ATP2B1: variants seen among roughly 807,000 people sequenced by gnomAD.
ATP2B1 encodes ATPase plasma membrane Ca2+ transporting 1.
Under a neutral mutation model 124.2 loss-of-function variants are expected in ATP2B1, and 14 were observed. That is an observed-to-expected ratio of 0.11 (90% CI 0.07 to 0.18). The LOEUF is 0.18. ATP2B1 is among the 10% of genes least tolerant of loss of function. The pLI, the probability that ATP2B1 is intolerant of heterozygous loss-of-function variation, is 1.00. For missense variants in ATP2B1, 763 were observed against 1,466.1 expected, an observed-to-expected ratio of 0.52 and a Z score of 7.83; for synonymous variants, 449 against 492.4, an observed-to-expected ratio of 0.91 and a Z score of 1.17.
At chr12:89,624,086 C>T in intron 9 of ATP2B1, 97 bp downstream of exon 9, 1 of 1,063,136 alleles carries the variant, frequency 9.4e-7, no homozygotes, top group Non-Finnish European at 1.4e-6. Flanking sequence ...TGAAAGTCCT[C>T]ACTTTCAGAA....
chr12:89,653,437 C>T (rs1265842551), intron 2 of ATP2B1, among the ~76,000 whole-genome samples: 1 of 151,426 alleles, frequency 6.6e-6, no homozygotes, highest in Non-Finnish European at 1.5e-5. Context: ...GCTGGGACTA[C>T]AGGCGCCCGC....
chr12:89,695,065 A>AAAAAAAG (rs1340330180), intron 1 of ATP2B1, among the ~76,000 whole-genome samples: 1 of 149,468 alleles, frequency 6.7e-6, no homozygotes, highest in Non-Finnish European at 1.5e-5. Flanking sequence ...TTTCAAAAAA[A>AAAAAAAG]AAAAAAGAAA....
At chr12:89,687,469 A>G (rs569586800) in intron 1 of ATP2B1, among the ~76,000 whole-genome samples, 1 of 152,196 alleles carries the variant, frequency 6.6e-6, no homozygotes, top group African/African-American at 2.4e-5. Context: ...TGTAGGTTAC[A>G]TGCAAACATA....
In ATP2B1 at chr12:89,632,245, T is replaced by C. The variant is rs144905746; in HGVS notation, c.788-1600A>G. Among the ~76,000 whole-genome samples the C allele has an allele frequency of 8.6e-4, 131 of 152,302 alleles. No individual in the cohort carries two copies. In the East Asian group the frequency reaches 0.022, roughly 26 times the overall value. On this transcript the variant is annotated intron_variant, in intron 5 of 20. Transcript: ENST00000428670. ...ATCTACCATAATCTTATGAACCAAG[T>C]TGATGCTCAAGGATTATTTGCTAAG...
chr12:89,676,731 A>C (rs1888655755), intron 1 of ATP2B1, among the ~76,000 whole-genome samples: 1 of 152,172 alleles, frequency 6.6e-6, no homozygotes, highest in Admixed American at 6.6e-5. Flanking sequence ...TAAAAATTGC[A>C]AATAGATACA....
intron 3 of ATP2B1, among the ~76,000 whole-genome samples, chr12:89,640,089 TCATAGA>T (rs1333727827): frequency 6.6e-5 from 10 of 152,130 alleles, no homozygotes; most frequent in Admixed American, 2.0e-4. Flanking sequence ...ATATTAGTGC[TCATAGA>T]CACATAGACC....
chr12:89,626,261 C>A (rs1459814066), intron 8 of ATP2B1, among the ~76,000 whole-genome samples, 193 bp downstream of exon 8: 1 of 152,200 alleles, frequency 6.6e-6, no homozygotes, highest in South Asian at 2.1e-4. Flanking sequence ...CTAACCCGAC[C>A]ACTTATTAGC....
At chr12:89,617,064 C>T in intron 11 of ATP2B1, 25 bp from the exon 12 acceptor site, 1 of 1,563,112 alleles carries the variant, frequency 6.4e-7, no homozygotes, top group Non-Finnish European at 8.8e-7. Context: ...TGAATCCAAA[C>T]ATCAATAATT....
chr12:89,709,265 G>C (rs1329827388), upstream of ATP2B1: 1 of 151,844 alleles, frequency 6.6e-6, no homozygotes, highest in Non-Finnish European at 1.5e-5. Flanking sequence ...CACGCCTCCC[G>C]CTCCACGCTG....
At chr12:89,680,730 A>T (rs575098553) in intron 1 of ATP2B1, among the ~76,000 whole-genome samples, 28 of 152,270 alleles carry the variant, frequency 1.8e-4, no homozygotes, top group African/African-American at 6.7e-4. Flanking sequence ...AGCATAATGA[A>T]AGGGTCCACT....
intron 1 of ATP2B1, among the ~76,000 whole-genome samples, chr12:89,688,951 A>T (rs956688449): frequency 2.0e-5 from 3 of 152,088 alleles, no homozygotes; most frequent in African/African-American, 7.2e-5. Flanking sequence ...TTTACCAAAA[A>T]ATACACAGGA....
At chr12:89,610,659 C>T (rs1353054381) in intron 13 of ATP2B1, 151 bp from the exon 14 acceptor site, 1 of 646,446 alleles carries the variant, frequency 1.5e-6, no homozygotes, top group Non-Finnish European at 2.7e-6. Flanking sequence ...AATTCTTGGG[C>T]ATGGACCCAG....
intron 11 of ATP2B1, 101 bp from the exon 12 acceptor site, chr12:89,617,140 C>A: frequency 1.2e-6 from 1 of 854,926 alleles, no homozygotes; most frequent in South Asian, 1.6e-5. Context: ...GATCTGATAT[C>A]TGGAATTTAG....
chr12:89,706,868 A>G (rs1254059809), intron 1 of ATP2B1, among the ~76,000 whole-genome samples: 1 of 152,206 alleles, frequency 6.6e-6, no homozygotes, highest in East Asian at 1.9e-4. Flanking sequence ...AGATCTTTGC[A>G]GTTACACCCA....
intron 1 of ATP2B1, among the ~76,000 whole-genome samples, chr12:89,669,609 T>G (rs955990675): frequency 6.6e-6 from 1 of 152,204 alleles, no homozygotes; most frequent in Non-Finnish European, 1.5e-5. Flanking sequence ...AATTACCATA[T>G]GAACTATCTT....
chr12:89,683,886 CA>C (rs1889652097), intron 1 of ATP2B1, among the ~76,000 whole-genome samples: 1 of 152,090 alleles, frequency 6.6e-6, no homozygotes, highest in Admixed American at 6.6e-5. Context: ...TATGAAAATA[CA>C]AATGAACCAA....
rs201948094 is a variant in ATP2B1, at chr12:89,621,647, A to G, written c.1489T>C (p.Tyr497His). ...VVQAYINEKHYKKVPEPEAIP... is the reference protein window; with the variant it reads ...VVQAYINEKHHKKVPEPEAIP... Reference sequence around the variant, plus strand: ...GCTTCTGGTTCAGGAACCTTTTTATAATGTTTTTCATTTATGTAAGCTTGA... The same window carrying G: ...GCTTCTGGTTCAGGAACCTTTTTATGATGTTTTTCATTTATGTAAGCTTGA... Residue 497 changes from tyrosine to histidine, a missense_variant, in exon 10 of 21, where the codon TAT (tyrosine) becomes CAT (histidine). Physicochemically the swap from Tyr to His is moderately conservative, Grantham distance 83 (BLOSUM62 2). This residue lies in a region of ATP2B1 where 392 missense variants were observed against 776.6 expected (regional missense o/e 0.50). Transcript: ENST00000428670. The G allele has an allele frequency of 3.1e-6, 5 of 1,611,960 alleles. No individual in the cohort carries two copies. Among genetic ancestry groups the G allele is most frequent in the Non-Finnish European group, 4.2e-6 (5 of 1,178,784 alleles).
rs747625784 is a variant in ATP2B1 at position 89,621,603 on chromosome 12, C to T, written c.1533G>A (p.Leu511=). The change falls in exon 10 of 21, where the codon TTG becomes TTA. Residue 511 remains leucine, a synonymous_variant. Transcript: ENST00000428670. ...PEPEAIPPNI[L]SYLVTGISVN... is the part of the protein sequence containing the mutation. ...CAGAAATTCCTGTTACAAGATAGGA[C>T]AAAATATTTGGTGGAATAGCTTCTG... 6.2e-7 allele frequency: 1 copy of T among 1,608,974 alleles called. No homozygotes were observed. The highest frequency in any genetic ancestry group is 1.1e-5 in the South Asian group (1 of 90,480).
intron 15 of ATP2B1, among the ~76,000 whole-genome samples, chr12:89,609,403 A>G (rs1877571006): frequency 6.6e-6 from 1 of 152,194 alleles, no homozygotes; most frequent in Non-Finnish European, 1.5e-5. Flanking sequence ...ATTATGAACC[A>G]GTATTTTCCA....
Sources: gnomAD v4.1 joint callset for allele counts (sites outside exome capture counted in the v4.1 genomes callset) on GRCh38, gnomAD v4.1.1 for gene constraint, gnomAD v4.1.1 regional missense constraint, MANE v1.5 for transcripts, NCBI Gene and HGNC (gene_info 2026-07-23, HGNC 2026-07-21) for gene names.